The following TPST2 variants were observed in gnomAD, a reference collection of about 807,000 sequenced individuals.
The protein encoded by TPST2 is protein-tyrosine sulfotransferase 2.
A neutral mutation model predicts 27.8 loss-of-function variants in TPST2; 16 were observed. The observed-to-expected ratio is 0.58, with a 90% CI of 0.39 to 0.88. TPST2 has a LOEUF of 0.88. Ranked by LOEUF, TPST2 falls within the 40% of genes least tolerant of loss-of-function variation. The pLI is 0.00. For synonymous variants in TPST2, 229 were observed against 231.7 expected, an observed-to-expected ratio of 0.99 and a Z score of 0.10; for missense variants, 464 against 543.1, an observed-to-expected ratio of 0.85 and a Z score of 1.45.
chr22:26,544,488 C>T, intron 2 of TPST2, 116 bp downstream of exon 2: 1 of 416,096 alleles, frequency 2.4e-6, no homozygotes, highest in Non-Finnish European at 3.2e-6. Flanking sequence ...GAAAACCAGC[C>T]AGGGGAGTTT....
At chr22:26,547,838 T>C (rs146813174) in intron 1 of TPST2, among the ~76,000 whole-genome samples, 2 of 152,302 alleles carry the variant, frequency 1.3e-5, no homozygotes, top group East Asian at 1.9e-4. Context: ...AAAACATTGC[T>C]ACCAGGGGTG....
At chr22:26,552,053 T>G (rs890332387) in intron 1 of TPST2, among the ~76,000 whole-genome samples, 1 of 151,928 alleles carries the variant, frequency 6.6e-6, no homozygotes, top group Admixed American at 6.6e-5. Context: ...TAATATTTTA[T>G]TTTTTGTAGA....
intron 3 of TPST2, among the ~76,000 whole-genome samples, chr22:26,540,531 G>T (rs1425487675): frequency 6.6e-6 from 1 of 152,136 alleles, no homozygotes; most frequent in African/African-American, 2.4e-5. Context: ...CAGGGAGGTG[G>T]CGGCTGTTAC....
chr22:26,576,247 A>G (rs750720284), intron 1 of TPST2, among the ~76,000 whole-genome samples: 93 of 152,146 alleles, frequency 6.1e-4, no homozygotes, highest in Non-Finnish European at 4.6e-4. Flanking sequence ...GCTGCCACTG[A>G]CAACGATGGA....
At chr22:26,528,340 G>A in intron 5 of TPST2, 78 bp from the exon 6 acceptor site, 1 of 1,449,950 alleles carries the variant, frequency 6.9e-7, no homozygotes, top group Non-Finnish European at 9.5e-7. Context: ...TCACCCCTCA[G>A]CATCACTGAG....
intron 1 of TPST2, among the ~76,000 whole-genome samples, chr22:26,584,415 T>C (rs1051150208): frequency 6.6e-6 from 1 of 152,268 alleles, no homozygotes; most frequent in Middle Eastern, 3.4e-3. Flanking sequence ...TTATTCAGAA[T>C]AGTTATAACA....
rs535801184 is a variant in TPST2, at chr22:26,554,579, G to A, written c.-160-9904C>T. Among the ~76,000 whole-genome samples, 6 of 152,342 alleles carry A rather than the reference G, an allele frequency of 3.9e-5. No homozygotes were observed. The South Asian group carries it at 8.3e-4, about 21-fold the overall frequency. ...CTGGGTTGGGGGTCAGTGGGGAGGT[G>A]TTATCTAACTACTTTGTGCCTCACT... On this transcript the variant is annotated intron_variant, in intron 1 of 6. Coordinates refer to ENST00000338754, the MANE Select transcript of TPST2 (RefSeq NM_003595.5).
chr22:26,567,896 A>G (rs1465128489), intron 1 of TPST2, among the ~76,000 whole-genome samples: 1 of 152,266 alleles, frequency 6.6e-6, no homozygotes, highest in Non-Finnish European at 1.5e-5. Context: ...AACTAAAAAA[A>G]GAAAAGGATA....
At chr22:26,536,509 A>T in intron 3 of TPST2, 23 bp from the exon 4 acceptor site, 1 of 1,501,456 alleles carries the variant, frequency 6.7e-7, no homozygotes, top group Non-Finnish European at 8.9e-7. Context: ...GAGACGCTGG[A>T]GAGGGTAGGG....
intron 1 of TPST2, chr22:26,550,776 C>T (rs551879153): frequency 1.9e-5 from 10 of 518,384 alleles, no homozygotes; most frequent in East Asian, 1.5e-4. Context: ...GCTGGGGAGA[C>T]GCAGGTCTCT....
chr22:26,529,187 T>C (rs1405266898), intron 5 of TPST2, among the ~76,000 whole-genome samples: 1 of 151,916 alleles, frequency 6.6e-6, no homozygotes, highest in Non-Finnish European at 1.5e-5. Flanking sequence ...AGTGCGGTGG[T>C]GCAATCTTGG....
intron 1 of TPST2, among the ~76,000 whole-genome samples, chr22:26,572,280 G>A (rs536103849): frequency 1.3e-5 from 2 of 152,190 alleles, no homozygotes; most frequent in South Asian, 4.1e-4. Flanking sequence ...AGAATTCTGC[G>A]GGGAGGCTAA....
At chr22:26,573,773 T>C (rs993796897) in intron 1 of TPST2, among the ~76,000 whole-genome samples, 1 of 152,200 alleles carries the variant, frequency 6.6e-6, no homozygotes, top group Non-Finnish European at 1.5e-5. Flanking sequence ...CAGTTGGCTC[T>C]AGGTGGGGGT....
intron 1 of TPST2, among the ~76,000 whole-genome samples, chr22:26,559,545 A>C (rs1236260681): frequency 6.6e-6 from 1 of 152,124 alleles, no homozygotes; most frequent in Non-Finnish European, 1.5e-5. Context: ...TTACGTATCA[A>C]ACTGTAACCC....
intron 1 of TPST2, among the ~76,000 whole-genome samples, chr22:26,573,194 T>C (rs1263782127): frequency 6.6e-6 from 1 of 152,222 alleles, no homozygotes; most frequent in Non-Finnish European, 1.5e-5. Context: ...CCACCACACC[T>C]GGCTAATTTT....
chr22:26,540,916 C>T lies in TPST2; in HGVS notation c.715G>A (p.Glu239Lys). The T allele has an allele frequency of 6.2e-7, 1 of 1,614,154 alleles. No individual in the cohort carries two copies. Among genetic ancestry groups the T allele is most frequent in the Non-Finnish European group, 8.5e-7 (1 of 1,180,026 alleles). ...GKEKCLPVYY[E>K]QLVLHPRRSL... ...CGCCTGGGGTGCAGCACCAGCTGCT[C>T]GTAGTACACAGGCAGGCACTTCTCC... The change falls in exon 3 of 7, where the codon GAG (glutamate) becomes AAG (lysine). Residue 239 changes from glutamate to lysine, a missense_variant. Physicochemically the swap from Glu to Lys is moderately conservative, Grantham distance 56 (BLOSUM62 1). Transcript: ENST00000338754.
rs1926523622 is a variant in TPST2, at chr22:26,552,273, A to G, written c.-160-7598T>C. 2.0e-5 allele frequency among the ~76,000 whole-genome samples: 3 copies of G among 152,170 alleles called. No individual in the cohort carries two copies. In the South Asian group the frequency reaches 6.2e-4, roughly 32 times the overall value. ...GGAACGCGTGGTCCGGTCAGGTGGG[A>G]TCAGGGGTGACTTCTTCTCCCTGTT... On this transcript the variant is annotated intron_variant, in intron 1 of 6. Transcript: ENST00000338754.
chr22:26,563,415 G>A (rs1450993542), intron 1 of TPST2, among the ~76,000 whole-genome samples: 8 of 146,542 alleles, frequency 5.5e-5, no homozygotes, highest in Admixed American at 2.1e-4. Context: ...TGCAAGCTCC[G>A]TCTCCCGGGT....
chr22:26,589,215 A>T (rs1259572211), intron 1 of TPST2, among the ~76,000 whole-genome samples: 8 of 152,116 alleles, frequency 5.3e-5, no homozygotes. Flanking sequence ...GGAAGGGGGC[A>T]AGAGGTTAGG....
Sources: gnomAD v4.1 joint callset for allele counts (sites outside exome capture counted in the v4.1 genomes callset) on GRCh38, gnomAD v4.1.1 for gene constraint, MANE v1.5 for transcripts, NCBI Gene and HGNC (gene_info 2026-07-23, HGNC 2026-07-21) for gene names.